GAK: variants seen among roughly 807,000 people sequenced by gnomAD.
The protein encoded by GAK is cyclin-G-associated kinase.
Under a neutral mutation model 143.9 loss-of-function variants are expected in GAK, and 79 were observed. The ratio of observed to expected loss-of-function variants is 0.55; its 90% CI spans 0.46 to 0.66. The LOEUF is 0.66. GAK is among the 30% of genes least tolerant of loss of function. The pLI is 0.00. For missense variants in GAK, 1,693 were observed against 1,779.7 expected (o/e 0.95, Z 0.88); for synonymous variants, 881 against 765.5 (o/e 1.15, Z -2.49).
At position 904,682 on chromosome 4, in the gene GAK, C is replaced by T. The variant is rs1720740971; in HGVS notation, c.480G>A (p.Gln160=). 1 of 1,612,146 alleles carries T rather than the reference C, an allele frequency of 6.2e-7. No homozygotes were observed. Among genetic ancestry groups the T allele is most frequent in the African/African-American group, 1.3e-5 (1 of 74,964 alleles). Residue 160 remains glutamine, a synonymous_variant, in exon 5 of 28, where the codon CAG becomes CAA. Coordinates refer to ENST00000314167, the MANE Select transcript of GAK (RefSeq NM_005255.4). The part of the protein sequence containing the change: ...KIFYQTCRAV[Q]HMHRQKPPII... ...TGGGCGGCTTCTGCCGGTGCATGTG[C>T]TGCACGGCGCGGCACGTCTGGTAGA... is the stretch of plus-strand genomic sequence containing the variant.
intron 5 of GAK, among the ~76,000 whole-genome samples, 198 bp from the exon 6 acceptor site, chr4:898,356 G>A (rs561345181): frequency 2.8e-4 from 43 of 152,348 alleles, no homozygotes; most frequent in African/African-American, 9.6e-4. Flanking sequence ...TGCAGGGGCC[G>A]CTCCAGGCCT....
chr4:856,354 C>T (rs191712676), intron 24 of GAK, among the ~76,000 whole-genome samples: 4 of 127,718 alleles, frequency 3.1e-5, no homozygotes, highest in Non-Finnish European at 6.6e-5. Flanking sequence ...CCTGCTCACA[C>T]CTGCTCACCA....
intron 5 of GAK, among the ~76,000 whole-genome samples, chr4:904,055 C>T (rs560913586): frequency 3.3e-5 from 5 of 152,294 alleles, no homozygotes. Flanking sequence ...GCCTCACCTG[C>T]TCTCACCCCT....
chr4:862,363 C>G (rs543158212), intron 23 of GAK, among the ~76,000 whole-genome samples: 11 of 152,230 alleles, frequency 7.2e-5, no homozygotes, highest in Non-Finnish European at 1.6e-4. Context: ...CCTAAGTCAT[C>G]TGCTAAGATC....
chr4:905,768 C>CA (rs1440358948), intron 4 of GAK, among the ~76,000 whole-genome samples: 1 of 152,256 alleles, frequency 6.6e-6, no homozygotes, highest in Non-Finnish European at 1.5e-5. Flanking sequence ...CTGCAGACGC[C>CA]ACCACACCAG....
intron 1 of GAK, among the ~76,000 whole-genome samples, chr4:925,743 G>C (rs1018213205): frequency 6.6e-6 from 1 of 152,214 alleles, no homozygotes; most frequent in African/African-American, 2.4e-5. Context: ...CAGCGAGAAG[G>C]TGCTGGACCT....
intron 1 of GAK, among the ~76,000 whole-genome samples, chr4:926,452 C>T (rs920536340): frequency 2.6e-5 from 4 of 152,214 alleles, no homozygotes; most frequent in Non-Finnish European, 5.9e-5. Context: ...CACTCCACCA[C>T]TCGACCTCTG....
intron 1 of GAK, among the ~76,000 whole-genome samples, chr4:929,758 C>T (rs929882180): frequency 6.6e-6 from 1 of 151,912 alleles, no homozygotes; most frequent in African/African-American, 2.4e-5. Flanking sequence ...CACAGTTCTA[C>T]CTAAAAACCC....
chr4:884,276 C>A, intron 11 of GAK, 190 bp from the exon 12 acceptor site: 1 of 574,064 alleles, frequency 1.7e-6, no homozygotes. Context: ...GTGGAGCTGA[C>A]CCCTACATCA....
In GAK at chr4:890,516, A is replaced by G; in HGVS notation, c.1081+16T>C. The G allele has an allele frequency of 6.3e-7, 1 of 1,583,512 alleles. No homozygotes were observed. The highest frequency in any genetic ancestry group is 8.6e-7 in the Non-Finnish European group (1 of 1,161,950). Reference sequence around the variant, plus strand: ...GGAGCGAGGGACAGGTGGCGGGCACAGGACAGGGCACTCACCTCCACTGTA... The same window carrying G: ...GGAGCGAGGGACAGGTGGCGGGCACGGGACAGGGCACTCACCTCCACTGTA... On this transcript the variant is annotated intron_variant, in intron 10 of 27. Transcript: ENST00000314167.
At chr4:923,593 T>C (rs1258480351) in intron 1 of GAK, among the ~76,000 whole-genome samples, 2 of 152,072 alleles carry the variant, frequency 1.3e-5, no homozygotes, top group Non-Finnish European at 2.9e-5. Flanking sequence ...GAGGATCGCT[T>C]GAGTCCGGGA....
At position 850,951 on chromosome 4, in the gene GAK, G is replaced by A. The variant is rs781776214; in HGVS notation, c.3642C>T (p.Asp1214=). 2.5e-6 allele frequency: 4 copies of A among 1,613,488 alleles called. No homozygotes were observed. The highest frequency in any genetic ancestry group is 3.4e-6 in the Non-Finnish European group (4 of 1,179,748). Residue 1214 remains aspartate, a synonymous_variant, in exon 26 of 28, where the codon GAC becomes GAT. Coordinates refer to ENST00000314167, the MANE Select transcript of GAK (RefSeq NM_005255.4). ...MRKQDLAKDT[D]PLKLKLLDWI... ...ACCCACCCACCTTCAGCTTGAGTGG[G>A]TCCGTGTCTTTAGCCAGGTCCTGCT...
At chr4:925,383 C>T (rs375100101) in intron 1 of GAK, among the ~76,000 whole-genome samples, 14 of 152,096 alleles carry the variant, frequency 9.2e-5, no homozygotes, top group South Asian at 4.1e-4. Flanking sequence ...GTAGGATGCA[C>T]GGAGCACGCT....
intron 11 of GAK, 80 bp downstream of exon 11, chr4:888,767 C>A: frequency 6.6e-7 from 1 of 1,515,056 alleles, no homozygotes; most frequent in Non-Finnish European, 8.9e-7. Context: ...GCTGTTCCAC[C>A]GCAGCCAGGA....
chr4:860,936 C>A (rs1212743607), intron 23 of GAK, among the ~76,000 whole-genome samples: 2 of 152,222 alleles, frequency 1.3e-5, no homozygotes, highest in African/African-American at 4.8e-5. Context: ...CACTCTGTGT[C>A]CCTGTGCCCC....
Position 856,165 on chromosome 4 carries a change from C to CCACCACAGCTGCTCACACCTGCT in GAK, c.3283+3418_3283+3440dup, listed in dbSNP as rs1448123595. Among the ~76,000 whole-genome samples, 320 of 148,242 alleles carry CCACCACAGCTGCTCACACCTGCT rather than the reference C, an allele frequency of 2.2e-3. 5 individuals are homozygous for CCACCACAGCTGCTCACACCTGCT. The highest frequency in any genetic ancestry group is 3.5e-3 in the Non-Finnish European group (232 of 66,652). ...CACAGCTGCTCACCACACCTGCTCACCACCACAGCTGCTCACACCTGCTCA... is the reference window on the plus strand; with the variant it reads ...CACAGCTGCTCACCACACCTGCTCACCACCACAGCTGCTCACACCTGCTCACCACAGCTGCTCACACCTGCTCA... On this transcript the variant is annotated intron_variant, in intron 24 of 27. Transcript: ENST00000314167.
rs896191910 is a variant in GAK at position 894,029 on chromosome 4, G to A, written c.742-20C>T. 2.5e-6 allele frequency: 4 copies of A among 1,578,638 alleles called. No homozygotes were observed. In the African/African-American group the frequency reaches 5.4e-5, roughly 21 times the overall value. On this transcript the variant is annotated intron_variant, in intron 7 of 27. Transcript: ENST00000314167. Reference sequence around the variant, plus strand: ...CAGGGCCTGCGGGGAGAGCAGGGGTGATGCCTAGGCCCACGGGGAGCGCAG... The same window carrying A: ...CAGGGCCTGCGGGGAGAGCAGGGGTAATGCCTAGGCCCACGGGGAGCGCAG...
At chr4:900,154 C>CA (rs1297400850) in intron 5 of GAK, among the ~76,000 whole-genome samples, 4 of 152,234 alleles carry the variant, frequency 2.6e-5, no homozygotes, top group African/African-American at 9.6e-5. Context: ...CTACAGCCAA[C>CA]AGAGACGAAG....
At chr4:869,191 CAT>C (rs1388669791) in intron 19 of GAK, 156 of 120,090 alleles carry the variant, frequency 1.3e-3, no homozygotes, top group African/African-American at 4.9e-3. Flanking sequence ...GCACAGTACA[CAT>C]GAATGCACAC....
Sources: allele counts gnomAD v4.1 joint callset (sites outside exome capture counted in the v4.1 genomes callset), GRCh38; gene constraint gnomAD v4.1.1; transcripts MANE v1.5; gene names NCBI Gene and HGNC (gene_info 2026-07-23, HGNC 2026-07-21).